PPFIA1: variants seen among roughly 807,000 people sequenced by gnomAD.
The protein encoded by PPFIA1 is liprin-alpha-1.
In PPFIA1, 25 loss-of-function variants were observed where a neutral mutation model predicts 149.9. The ratio of observed to expected loss-of-function variants is 0.17; its 90% confidence interval spans 0.12 to 0.23. The LOEUF (loss-of-function observed/expected upper bound fraction) is 0.23. Ranked by LOEUF, PPFIA1 falls within the 10% of genes least tolerant of loss-of-function variation. PPFIA1 has a pLI of 1.00. For missense variants in PPFIA1, 1,362 were observed against 1,506.5 expected, an observed-to-expected ratio of 0.90 and a Z score of 1.59; for synonymous variants, 549 against 552.8, an observed-to-expected ratio of 0.99 and a Z score of 0.10.
chr11:70,339,610 G>A (rs199910532), intron 14 of PPFIA1, among the ~76,000 whole-genome samples: 15 of 147,318 alleles, frequency 1.0e-4, no homozygotes, highest in African/African-American at 3.0e-4. Flanking sequence ...GTGAGCCACC[G>A]TGCCTGGCCT....
intron 10 of PPFIA1, 116 bp from the exon 11 acceptor site, chr11:70,335,447 G>A: frequency 8.1e-7 from 1 of 1,229,600 alleles, no homozygotes; most frequent in Non-Finnish European, 1.1e-6. Context: ...GCAGTGTGGG[G>A]AGCAACTGGG....
intron 8 of PPFIA1, 79 bp downstream of exon 8, chr11:70,330,398 G>T (rs1695800338): frequency 3.1e-6 from 4 of 1,289,904 alleles, no homozygotes; most frequent in Non-Finnish European, 4.2e-6. Context: ...TCACTTTCAT[G>T]TTGGAAATCA....
chr11:70,338,005 T>C (rs1364514165), intron 12 of PPFIA1, among the ~76,000 whole-genome samples: 1 of 152,224 alleles, frequency 6.6e-6, no homozygotes, highest in African/African-American at 2.4e-5. Flanking sequence ...GCATACTTGA[T>C]GTAAGACAAT....
chr11:70,331,916 C>G (rs1014399286), intron 8 of PPFIA1, 44 bp from the exon 9 acceptor site: 11 of 1,576,350 alleles, frequency 7.0e-6, no homozygotes, highest in Non-Finnish European at 9.5e-6. Context: ...AACTGATCAG[C>G]TAGAAGATTT....
intron 6 of PPFIA1, 47 bp from the exon 7 acceptor site, chr11:70,326,550 A>G (rs1340646178): frequency 2.7e-6 from 4 of 1,461,460 alleles, no homozygotes; most frequent in Non-Finnish European, 2.8e-6. Context: ...TTTATTTTAT[A>G]GCTCACCAAA....
intron 24 of PPFIA1, among the ~76,000 whole-genome samples, chr11:70,376,241 G>A (rs1197571393): frequency 1.3e-5 from 2 of 152,076 alleles, no homozygotes; most frequent in Admixed American, 1.3e-4. Context: ...TGCCTGTCTC[G>A]GCCTCCCAAA....
intron 15 of PPFIA1, among the ~76,000 whole-genome samples, chr11:70,346,238 T>C (rs57871058): frequency 0.18 from 27,108 of 152,050 alleles, 3,182 homozygotes; most frequent in African/African-American, 0.32. Context: ...CCTGACGTGC[T>C]GCTTGGCTAG....
intron 13 of PPFIA1, 71 bp downstream of exon 13, chr11:70,338,524 G>C (rs565847147): frequency 2.3e-6 from 3 of 1,289,426 alleles, no homozygotes; most frequent in East Asian, 4.6e-5. Flanking sequence ...TATGTGGGCA[G>C]CCTAACTGGA....
Position 70,331,990 on chromosome 11 carries a change from C to T in PPFIA1, c.1108C>T (p.Arg370Cys), listed in dbSNP as rs767149740. 29 of 1,612,244 alleles carry T rather than the reference C, an allele frequency of 1.8e-5. No homozygotes were observed. The highest frequency in any genetic ancestry group is 2.2e-5 in the East Asian group (1 of 44,728). Reference sequence around the variant, plus strand: ...AGATAAAAACCGCCAGTTACAGGAGCGCTTGGAATTGGCAGAGCAAAAGCT... The same window carrying T: ...AGATAAAAACCGCCAGTTACAGGAGTGCTTGGAATTGGCAGAGCAAAAGCT... Reference protein sequence around the residue: ...TEDKNRQLQERLELAEQKLQQ... With the variant: ...TEDKNRQLQECLELAEQKLQQ... Residue 370 changes from arginine to cysteine, a missense_variant, in exon 9 of 28, where the codon CGC becomes TGC. Transcript: ENST00000253925.
intron 2 of PPFIA1, among the ~76,000 whole-genome samples, chr11:70,296,619 C>T (rs1418123161): frequency 6.6e-6 from 1 of 151,152 alleles, no homozygotes; most frequent in African/African-American, 2.4e-5. Context: ...TGCAGTGAGC[C>T]GAGATGGCAG....
intron 24 of PPFIA1, 68 bp from the exon 25 acceptor site, chr11:70,376,464 T>G: frequency 6.8e-7 from 1 of 1,468,566 alleles, no homozygotes; most frequent in Non-Finnish European, 9.5e-7. Flanking sequence ...TAAAAAACAA[T>G]TACGATGCTA....
intron 10 of PPFIA1, 83 bp downstream of exon 10, chr11:70,333,636 AC>A (rs2054803162): frequency 1.9e-6 from 2 of 1,056,944 alleles, no homozygotes; most frequent in Middle Eastern, 4.2e-4. Flanking sequence ...AGGGCCTCCC[AC>A]CCCTGACTGA....
chr11:70,353,568 G>A (rs1432197788), intron 16 of PPFIA1, among the ~76,000 whole-genome samples: 2 of 152,162 alleles, frequency 1.3e-5, no homozygotes, highest in African/African-American at 2.4e-5. Context: ...TGCTCCCTCA[G>A]CACATGGGCG....
chr11:70,367,910 T>C (rs1434096974), intron 21 of PPFIA1, among the ~76,000 whole-genome samples: 3 of 152,018 alleles, frequency 2.0e-5, no homozygotes, highest in Non-Finnish European at 4.4e-5. Flanking sequence ...CTGAGGCAGG[T>C]GGATCGCTTT....
chr11:70,282,590 G>A (rs1330387236), intron 2 of PPFIA1, among the ~76,000 whole-genome samples: 1 of 138,978 alleles, frequency 7.2e-6, no homozygotes, highest in Non-Finnish European at 1.5e-5. Flanking sequence ...GTGCAGTGGC[G>A]TGATCTCGGC....
At chr11:70,306,278 G>C (rs771509073) in intron 2 of PPFIA1, among the ~76,000 whole-genome samples, 1 of 152,060 alleles carries the variant, frequency 6.6e-6, no homozygotes, top group Non-Finnish European at 1.5e-5. Context: ...ACGTATAGGG[G>C]AGTGACAAGC....
In PPFIA1 at chr11:70,304,335, T is replaced by A. The variant is rs938825977; in HGVS notation, c.265-20067T>A. ...CACCTGGGTCCTTTGTGATAGCCTT[T>A]AAAAAAAAAAAAATTAGAGATGGGA... On this transcript the variant is annotated intron_variant, in intron 2 of 27. Coordinates refer to ENST00000253925, the MANE Select transcript of PPFIA1 (RefSeq NM_003626.5). Among the ~76,000 whole-genome samples, 12 of 145,944 alleles carry A rather than the reference T, an allele frequency of 8.2e-5. No homozygotes were observed. In the East Asian group the frequency reaches 1.4e-3, roughly 17 times the overall value.
chr11:70,289,298 T>C (rs959715204), intron 2 of PPFIA1, among the ~76,000 whole-genome samples: 8 of 152,110 alleles, frequency 5.3e-5, no homozygotes, highest in African/African-American at 1.9e-4. Flanking sequence ...TGTCCTTTCA[T>C]TGGACAGAGC....
chr11:70,272,865 A>G (rs188665719), intron 2 of PPFIA1, among the ~76,000 whole-genome samples: 33 of 152,386 alleles, frequency 2.2e-4, no homozygotes, highest in Non-Finnish European at 3.5e-4. Flanking sequence ...ACGGAAAAAA[A>G]AAATTATTTT....
Sources: allele counts gnomAD v4.1 joint callset (sites outside exome capture counted in the v4.1 genomes callset), GRCh38; gene constraint gnomAD v4.1.1; transcripts MANE v1.5; gene names NCBI Gene and HGNC (gene_info 2026-07-23, HGNC 2026-07-21).